Variants in MGLL observed in about 807,000 individuals in gnomAD.
MGLL encodes the protein monoglyceride lipase, also known as lysophospholipase homolog.
Under a neutral mutation model 29.1 loss-of-function variants are expected in MGLL, and 7 were observed. The observed-to-expected ratio is 0.24, with a 90% CI of 0.14 to 0.45. The LOEUF is 0.45. Ranked by LOEUF, MGLL falls within the 20% of genes least tolerant of loss-of-function variation. The pLI, the probability that MGLL is intolerant of heterozygous loss-of-function variation, is 0.99. For missense variants in MGLL, 356 were observed against 413.6 expected, an observed-to-expected ratio of 0.86 and a Z score of 1.21; for synonymous variants, 148 against 168.3, an observed-to-expected ratio of 0.88 and a Z score of 0.93.
chr3:127,787,684 A>C (rs1330904106), intron 2 of MGLL, among the ~76,000 whole-genome samples: 1 of 152,134 alleles, frequency 6.6e-6, no homozygotes, highest in Non-Finnish European at 1.5e-5. Flanking sequence ...TCCTCGCTGG[A>C]GGGGTGGGAG....
At chr3:127,755,176 G>A (rs1192391256) in intron 3 of MGLL, among the ~76,000 whole-genome samples, 1 of 152,176 alleles carries the variant, frequency 6.6e-6, no homozygotes, top group Non-Finnish European at 1.5e-5. Flanking sequence ...AAAAGGAGAA[G>A]ATAAAACCTG....
At chr3:127,799,537 A>C (rs975642440) in intron 2 of MGLL, 2 of 152,236 alleles carry the variant, frequency 1.3e-5, no homozygotes, top group Non-Finnish European at 2.9e-5. Flanking sequence ...GCTGTATCCT[A>C]CTACAAGTGG....
intron 3 of MGLL, among the ~76,000 whole-genome samples, chr3:127,752,973 T>C (rs947728703): frequency 1.2e-4 from 18 of 152,208 alleles, no homozygotes. Context: ...GTGCCCTTGA[T>C]TGATTTTTTT....
At chr3:127,788,867 C>CTGAATGAA (rs1354303510) in intron 2 of MGLL, among the ~76,000 whole-genome samples, 1 of 152,172 alleles carries the variant, frequency 6.6e-6, no homozygotes, top group Non-Finnish European at 1.5e-5. Flanking sequence ...TCCATGAACA[C>CTGAATGAA]TGAATGAATG....
intron 6 of MGLL, among the ~76,000 whole-genome samples, chr3:127,702,440 G>A (rs1050429450): frequency 7.2e-5 from 11 of 152,196 alleles, no homozygotes; most frequent in Admixed American, 3.9e-4. Flanking sequence ...CCTGCCTTGG[G>A]CCAGCCCCAG....
At chr3:127,745,460 G>A (rs1160837122) in intron 3 of MGLL, among the ~76,000 whole-genome samples, 1 of 152,140 alleles carries the variant, frequency 6.6e-6, no homozygotes, top group Non-Finnish European at 1.5e-5. Context: ...AAAGTCAAAC[G>A]CCGAATGTCC....
intron 2 of MGLL, among the ~76,000 whole-genome samples, chr3:127,788,102 T>A (rs1192719033): frequency 1.3e-5 from 2 of 152,138 alleles, no homozygotes; most frequent in Admixed American, 6.5e-5. Context: ...CTTTGTATAA[T>A]AAAACAGATC....
chr3:127,761,671 A>G lies in MGLL; in HGVS notation c.262+20118T>C, dbSNP rs1002448389. ...CTGGTGAGGACACGGAGGCACAGAGAGGGCTGGCGCACAGCCGGCCGTGGG... is the reference window on the plus strand; with the variant it reads ...CTGGTGAGGACACGGAGGCACAGAGGGGGCTGGCGCACAGCCGGCCGTGGG... On this transcript the variant is annotated intron_variant, in intron 3 of 7. Coordinates refer to ENST00000265052, the MANE Select transcript of MGLL (RefSeq NM_007283.7). The surrounding 1 kb of genome is among the most constrained non-coding windows in gnomAD (Gnocchi z 4.6). 6.6e-6 allele frequency among the ~76,000 whole-genome samples: 1 copy of G among 152,144 alleles called. No homozygotes were observed. Among genetic ancestry groups the G allele is most frequent in the Non-Finnish European group, 1.5e-5 (1 of 68,012 alleles).
At chr3:127,735,855 G>C in intron 3 of MGLL, 1 of 1,594,852 alleles carries the variant, frequency 6.3e-7, no homozygotes, top group Middle Eastern at 1.7e-4. Context: ...AATCTAGTCT[G>C]CATCTCTCCC....
chr3:127,730,471 G>A lies in MGLL; in HGVS notation c.263-7905C>T. Among the ~76,000 whole-genome samples the A allele has an allele frequency of 1.3e-5, 2 of 152,144 alleles. 1 individual carries two copies. Among genetic ancestry groups the A allele is most frequent in the Non-Finnish European group, 2.9e-5 (2 of 68,024 alleles). On this transcript the variant is annotated intron_variant, in intron 3 of 7. Coordinates refer to ENST00000265052, the MANE Select transcript of MGLL (RefSeq NM_007283.7). ...GTTCCTGCCCTGTGCCTCTGAACAG[G>A]CAGCCTCTCCTTGAGGTCCTCACCC... is the stretch of plus-strand genomic sequence containing the variant.
In MGLL at chr3:127,705,789, AAAG is replaced by A. The variant is rs780026554; in HGVS notation, c.600+4784_600+4786del. ...GAAACTCCATCTCAAAAAAAAAAAA[AAAG>A]AAGAAGAAGAAGAAGAAGACAACAT... On this transcript the variant is annotated intron_variant, in intron 6 of 7. Coordinates refer to ENST00000265052, the MANE Select transcript of MGLL (RefSeq NM_007283.7). Among the ~76,000 whole-genome samples the A allele has an allele frequency of 3.4e-3, 518 of 151,294 alleles. 3 individuals are homozygous for A. Among genetic ancestry groups the A allele is most frequent in the African/African-American group, 9.7e-3 (399 of 40,978 alleles).
In MGLL at chr3:127,821,802, G is replaced by A. The variant is rs201175620; in HGVS notation, c.47C>T (p.Ser16Phe). 1,286 of 1,614,118 alleles carry A rather than the reference G, an allele frequency of 8.0e-4. 5 individuals carry two copies. Among genetic ancestry groups the A allele is most frequent in the Middle Eastern group, 1.8e-3 (11 of 6,062 alleles). ...AATGCTCTGCGGGGTCCGCCTGGGG[G>A]AACTTTCCTCTGGCATGCTGGAAGG... is the stretch of plus-strand genomic sequence containing the variant. The part of the protein sequence containing the change: ...EDPSSMPEES[S>F]PRRTPQSIPY... The change falls in exon 2 of 8, where the codon TCC (serine) becomes TTC (phenylalanine). Residue 16 changes from serine to phenylalanine, a missense_variant. By Grantham distance (155) the Ser-to-Phe change is radical (BLOSUM62 -2). Coordinates refer to ENST00000265052, the MANE Select transcript of MGLL (RefSeq NM_007283.7).
intron 6 of MGLL, among the ~76,000 whole-genome samples, chr3:127,710,140 G>GA (rs1358229728): frequency 1.4e-4 from 21 of 152,348 alleles, no homozygotes; most frequent in Admixed American, 1.4e-3. Flanking sequence ...TTCACTGGGG[G>GA]AAAGCCTGTC....
chr3:127,701,411 C>A (rs78432927), intron 6 of MGLL, among the ~76,000 whole-genome samples: 7 of 152,118 alleles, frequency 4.6e-5, no homozygotes, highest in Admixed American at 2.6e-4. Flanking sequence ...TGCTGTCAGC[C>A]CCCAGAGGGC....
chr3:127,791,766 T>C (rs2077304209), intron 2 of MGLL, among the ~76,000 whole-genome samples: 1 of 152,230 alleles, frequency 6.6e-6, no homozygotes, highest in Non-Finnish European at 1.5e-5. Context: ...AAGAGGAGCA[T>C]GAGTCCTTTA....
chr3:127,773,335 C>T (rs752294758), intron 3 of MGLL, among the ~76,000 whole-genome samples: 21 of 152,240 alleles, frequency 1.4e-4, no homozygotes, highest in East Asian at 1.9e-4. Context: ...CTTGGGCAGG[C>T]GGCTTAACCT....
rs186507752 is a variant in MGLL, at chr3:127,689,849, T to C, written c.*2349A>G. 6.6e-6 allele frequency: 1 copy of C among 152,154 alleles called. No homozygotes were observed. The highest frequency in any genetic ancestry group is 1.5e-5 in the Non-Finnish European group (1 of 68,022). 9.4% of individuals were successfully genotyped at this position (152,154 alleles called of 1,614,324 possible). A position where few individuals can be genotyped will look rare whatever the true frequency, so the allele number is the denominator to read the frequency against. ...TGGCTCCTGACCCAGCAGGGGGACA[T>C]GGTGGGCGGATGTACCAGCCCTTCT... On this transcript the variant is annotated 3_prime_UTR_variant, in exon 8 of 8. Transcript: ENST00000265052.
Position 127,731,918 on chromosome 3 carries a change from T to C in MGLL, c.263-9352A>G, listed in dbSNP as rs1181652299. Among the ~76,000 whole-genome samples, 5 of 152,368 alleles carry C rather than the reference T, an allele frequency of 3.3e-5. No individual in the cohort carries two copies. In the East Asian group the frequency reaches 9.6e-4, roughly 29 times the overall value. ...AGGTACTCTTAAAACACCCCAGCAC[T>C]GCATTCGATGCGAAGTATAATAAAT... On this transcript the variant is annotated intron_variant, in intron 3 of 7. Coordinates refer to ENST00000265052, the MANE Select transcript of MGLL (RefSeq NM_007283.7).
At position 127,781,853 on chromosome 3, in the gene MGLL, G is replaced by T; in HGVS notation, c.198C>A (p.Gly66=). ...GCATCCGAGCCAGCTCTTCATAGCGGCCACTGTGCTCTCCGGCTCCATGGG... is the reference window on the plus strand; with the variant it reads ...GCATCCGAGCCAGCTCTTCATAGCGTCCACTGTGCTCTCCGGCTCCATGGG... The part of the protein sequence containing the change: ...FVSHGAGEHS[G]RYEELARMLM... Residue 66 remains glycine (G), a synonymous_variant, in exon 3 of 8, where the codon GGC becomes GGA. Coordinates refer to ENST00000265052, the MANE Select transcript of MGLL (RefSeq NM_007283.7). 1 of 1,614,118 alleles carries T rather than the reference G, an allele frequency of 6.2e-7. No homozygotes were observed. The highest frequency in any genetic ancestry group is 8.5e-7 in the Non-Finnish European group (1 of 1,180,010).
Sources: allele counts gnomAD v4.1 joint callset (sites outside exome capture counted in the v4.1 genomes callset), GRCh38; gene constraint gnomAD v4.1.1; non-coding constraint Gnocchi (gnomAD v3.1); transcripts MANE v1.5; gene names NCBI Gene and HGNC (gene_info 2026-07-23, HGNC 2026-07-21).